Variants in CREB5 observed in about 807,000 individuals in gnomAD.
The protein encoded by CREB5 is cAMP responsive element binding protein 5.
CREB5 carries 19 observed loss-of-function variants against 57.1 expected under a neutral mutation model. The ratio of observed to expected loss-of-function variants is 0.33; its 90% confidence interval spans 0.23 to 0.49. CREB5 has a LOEUF of 0.49. Among genes scored for constraint, CREB5 ranks in the 20% least tolerant of loss-of-function variants. CREB5 has a pLI of 0.99. For synonymous variants in CREB5, 238 were observed against 238.3 expected (o/e 1.00, Z 0.01); for missense variants, 579 against 671.6 (o/e 0.86, Z 1.52).
chr7:28,794,100 T>C (rs1236808217), intron 7 of CREB5, among the ~76,000 whole-genome samples: 1 of 152,236 alleles, frequency 6.6e-6, no homozygotes, highest in Non-Finnish European at 1.5e-5. Flanking sequence ...TGCAAAGTTC[T>C]ATGTTTCATA....
chr7:28,497,699 T>G (rs1792113176), intron 3 of CREB5, among the ~76,000 whole-genome samples: 1 of 152,236 alleles, frequency 6.6e-6, no homozygotes, highest in African/African-American at 2.4e-5. Context: ...GAGAACTCTG[T>G]GTAATATACC....
chr7:28,422,124 G>A (rs1305472337), intron 1 of CREB5, among the ~76,000 whole-genome samples: 2 of 152,044 alleles, frequency 1.3e-5, no homozygotes, highest in Admixed American at 6.6e-5. Flanking sequence ...AGAGATATTT[G>A]ACTCAGAAAG....
intron 4 of CREB5, among the ~76,000 whole-genome samples, chr7:28,560,827 C>CGTGTGTGT (rs1562797026): frequency 3.4e-5 from 3 of 89,024 alleles, no homozygotes; most frequent in Non-Finnish European, 7.0e-5. Context: ...TGTGTGCGCG[C>CGTGTGTGT]GCGCGCGTGT....
intron 5 of CREB5, among the ~76,000 whole-genome samples, chr7:28,716,535 T>C (rs67477757): frequency 0.078 from 11,803 of 152,250 alleles, 546 homozygotes; most frequent in Admixed American, 0.13. Flanking sequence ...ATTAGCTATA[T>C]GTTGGGGTCC....
At chr7:28,405,741 G>T (rs751378140) in intron 1 of CREB5, among the ~76,000 whole-genome samples, 1 of 151,998 alleles carries the variant, frequency 6.6e-6, no homozygotes. Context: ...ATGAACTTTG[G>T]GTCATATTTT....
intron 1 of CREB5, among the ~76,000 whole-genome samples, chr7:28,418,594 A>G (rs1391713205): frequency 2.0e-5 from 3 of 152,254 alleles, no homozygotes; most frequent in African/African-American, 7.2e-5. Flanking sequence ...CCTTTAAAGC[A>G]TGACTATAAA....
chr7:28,566,705 C>A (rs1447680530), intron 4 of CREB5, among the ~76,000 whole-genome samples: 1 of 152,034 alleles, frequency 6.6e-6, no homozygotes, highest in Non-Finnish European at 1.5e-5. Context: ...AGTGATAATG[C>A]TTTTGCTGGG....
chr7:28,484,707 A>G (rs370725253), intron 1 of CREB5, among the ~76,000 whole-genome samples: 12 of 152,226 alleles, frequency 7.9e-5, no homozygotes, highest in East Asian at 3.8e-4. Flanking sequence ...AAATAGTAAC[A>G]TAACAATTGT....
At chr7:28,644,153 AAGAAAGAAAGAAAG>A (rs922635451) in intron 5 of CREB5, among the ~76,000 whole-genome samples, 1 of 151,604 alleles carries the variant, frequency 6.6e-6, no homozygotes, top group Non-Finnish European at 1.5e-5. Flanking sequence ...AGAAAAGAAA[AAGAAAGAAAGAAAG>A]AGAAAGAAAG....
intron 1 of CREB5, among the ~76,000 whole-genome samples, chr7:28,373,790 C>T (rs968426362): frequency 2.0e-5 from 3 of 151,974 alleles, no homozygotes; most frequent in East Asian, 1.9e-4. Flanking sequence ...ATTCCACATA[C>T]GTATTCATAT....
chr7:28,724,453 A>G (rs1453611595), intron 7 of CREB5, 121 bp downstream of exon 7: 1 of 773,926 alleles, frequency 1.3e-6, no homozygotes, highest in East Asian at 2.7e-5. Flanking sequence ...GGTGAATGAA[A>G]GGCAGTGCAG....
At chr7:28,624,706 A>G (rs545389875) in intron 5 of CREB5, among the ~76,000 whole-genome samples, 1 of 151,840 alleles carries the variant, frequency 6.6e-6, no homozygotes, top group South Asian at 2.1e-4. Context: ...ATCTTGAAGA[A>G]CTGATTTCTT....
rs7792253 is a variant in CREB5, at chr7:28,823,176, G to A, written c.*3897G>A. On this transcript the variant is annotated 3_prime_UTR_variant, in exon 11 of 11. Coordinates refer to ENST00000357727, the MANE Select transcript of CREB5 (RefSeq NM_182898.4). ...TGGGGAGTTTTAAGCCTCGGTAACT[G>A]CTATAAAACTAGCCATCCAGTTAGG... The A allele has an allele frequency of 0.23, 35,053 of 152,388 alleles. 5,115 individuals are homozygous for A. Among genetic ancestry groups the A allele is most frequent in the African/African-American group, 0.42 (17,402 of 41,378 alleles). 9.4% of individuals were successfully genotyped at this position (152,388 alleles called of 1,614,324 possible). A position where few individuals can be genotyped will look rare whatever the true frequency, so the allele number is the denominator to read the frequency against.
chr7:28,401,487 A>G (rs1787462654), intron 1 of CREB5, among the ~76,000 whole-genome samples: 1 of 152,062 alleles, frequency 6.6e-6, no homozygotes, highest in African/African-American at 2.4e-5. Flanking sequence ...ATATGTATAC[A>G]TGCGCCATGT....
intron 5 of CREB5, among the ~76,000 whole-genome samples, chr7:28,626,473 C>T (rs1404875978): frequency 6.6e-6 from 1 of 152,086 alleles, no homozygotes; most frequent in Non-Finnish European, 1.5e-5. Flanking sequence ...AACAGAAAAA[C>T]CAAGACCTGA....
chr7:28,431,208 T>G (rs186294908), intron 1 of CREB5, among the ~76,000 whole-genome samples: 1 of 152,300 alleles, frequency 6.6e-6, no homozygotes, highest in East Asian at 1.9e-4. Context: ...TAGAAGCACA[T>G]CATTGGGTTT....
chr7:28,515,547 A>G (rs934658009), intron 4 of CREB5, among the ~76,000 whole-genome samples: 3 of 152,110 alleles, frequency 2.0e-5, no homozygotes, highest in African/African-American at 7.2e-5. Context: ...AACCATACCC[A>G]GGGCTTTCCC....
chr7:28,518,788 C>T (rs1011095040), intron 4 of CREB5, among the ~76,000 whole-genome samples: 10 of 152,348 alleles, frequency 6.6e-5, no homozygotes, highest in South Asian at 2.1e-4. Flanking sequence ...GCGATCCACA[C>T]TCCCCCCATG....
chr7:28,417,099 C>A (rs2128006739), intron 1 of CREB5, among the ~76,000 whole-genome samples: 1 of 152,286 alleles, frequency 6.6e-6, no homozygotes, highest in East Asian at 1.9e-4. Context: ...TATTGTGCTT[C>A]TCTGCCTCAG....
Sources: gnomAD v4.1 joint callset for allele counts (sites outside exome capture counted in the v4.1 genomes callset) on GRCh38, gnomAD v4.1.1 for gene constraint, MANE v1.5 for transcripts, NCBI Gene and HGNC (gene_info 2026-07-23, HGNC 2026-07-21) for gene names.